CLTC: variants seen among roughly 807,000 people sequenced by gnomAD.
CLTC encodes clathrin heavy chain.
Under a neutral mutation model 195.8 loss-of-function variants are expected in CLTC, and 16 were observed. That is an observed-to-expected ratio of 0.08 (90% CI 0.06 to 0.12). The LOEUF (loss-of-function observed/expected upper bound fraction) is 0.12. Ranked by LOEUF, CLTC falls within the 10% of genes least tolerant of loss-of-function variation. The probability of loss-of-function intolerance (pLI) is 1.00; values close to 1 mark genes in which losing one functional copy is unlikely to be tolerated. For synonymous variants in CLTC, 667 were observed against 689.4 expected, an observed-to-expected ratio of 0.97 and a Z score of 0.51; for missense variants, 796 against 2,027.0, an observed-to-expected ratio of 0.39 and a Z score of 11.66.
chr17:59,667,990 C>A (rs1410760195), intron 13 of CLTC, among the ~76,000 whole-genome samples: 1 of 152,178 alleles, frequency 6.6e-6, no homozygotes, highest in Non-Finnish European at 1.5e-5. Flanking sequence ...CTGTTTAGTA[C>A]AGTCACTAGC....
At chr17:59,670,290 TTTTTC>T (rs1555605842) in intron 14 of CLTC, among the ~76,000 whole-genome samples, 1 of 126,932 alleles carries the variant, frequency 7.9e-6, no homozygotes, top group Admixed American at 9.0e-5. Context: ...TTTTTTTTTG[TTTTTC>T]TTTTTAAGCT....
intron 2 of CLTC, among the ~76,000 whole-genome samples, chr17:59,645,210 C>CT (rs573633896): frequency 4.4e-3 from 648 of 146,918 alleles, no homozygotes; most frequent in African/African-American, 9.3e-3. Flanking sequence ...TGATTCTGTG[C>CT]TTTTTTTTTT....
In CLTC at chr17:59,663,922, C is replaced by G; in HGVS notation, c.1449C>G (p.Asn483Lys). 6.2e-7 allele frequency: 1 copy of G among 1,613,704 alleles called. No homozygotes were observed. Among genetic ancestry groups the G allele is most frequent in the Non-Finnish European group, 8.5e-7 (1 of 1,179,718 alleles). Residue 483 changes from asparagine (N) to lysine (K), a missense_variant, in exon 9 of 32, where the codon AAC (asparagine) becomes AAG (lysine). By Grantham distance (94) the Asn-to-Lys change is moderately conservative (BLOSUM62 0). Coordinates refer to ENST00000269122, the MANE Select transcript of CLTC (RefSeq NM_004859.4). ...TLALSVYLRA[N>K]VPNKVIQCFA... ...CACTTAGTGTGTACCTAAGGGCTAA[C>G]GTCCCAAATAAAGTCATTCAGTGCT...
chr17:59,694,550 G>T lies in CLTC; in HGVS notation c.*698G>T, dbSNP rs2033379882. On this transcript the variant is annotated 3_prime_UTR_variant, in exon 32 of 32. Transcript: ENST00000269122. ...TTGTGCTGTATCCTGTGCTTTTTCT[G>T]TGGGACCATTCCATTCAGGAGCAAA... 1 of 227,754 alleles carries T rather than the reference G, an allele frequency of 4.4e-6. No homozygotes were observed. Among genetic ancestry groups the T allele is most frequent in the Non-Finnish European group, 8.7e-6 (1 of 114,412 alleles). 14.1% of individuals were successfully genotyped at this position (227,754 alleles called of 1,614,324 possible). A position where few individuals can be genotyped will look rare whatever the true frequency, so the allele number is the denominator to read the frequency against.
In CLTC at chr17:59,674,827, G is replaced by A; in HGVS notation, c.2545G>A (p.Val849Ile). ...QFSTDELVAE[V>I]EKRNRLKLLL... ...CTCTACTGATGAGCTTGTTGCTGAG[G>A]TTGAAAAAAGAAACAGGTGTAGTAC... Residue 849 changes from valine (V) to isoleucine (I), a missense_variant, in exon 16 of 32, where the codon GTT becomes ATT. Physicochemically the swap from Val to Ile is conservative, Grantham distance 29. Transcript: ENST00000269122. 1 of 1,612,654 alleles carries A rather than the reference G, an allele frequency of 6.2e-7. No homozygotes were observed.
rs1320918154 is a variant in CLTC, at chr17:59,685,836, A to T, written c.4827+28A>T. 6.7e-7 allele frequency: 1 copy of T among 1,502,872 alleles called. No individual in the cohort carries two copies. The highest frequency in any genetic ancestry group is 2.1e-5 in the Admixed American group (1 of 48,616). The allele number at this position is 1,502,872 out of a possible 1,614,324, so 93.1% of individuals were successfully genotyped here. ...AATGACTCTTCTAAGTGTATTCAGA[A>T]CTAGTTTCCTTGCATGTAAAATTCT... On this transcript the variant is annotated intron_variant, in intron 30 of 31. Transcript: ENST00000269122. This position sits in a 1 kb window ranked among gnomAD's most constrained non-coding sequence, Gnocchi z 5.0.
In CLTC at chr17:59,648,183, A is replaced by T. The variant is rs2032243347; in HGVS notation, c.520-57A>T. The T allele has an allele frequency of 2.7e-6, 4 of 1,460,598 alleles. No homozygotes were observed. Among genetic ancestry groups the T allele is most frequent in the East Asian group, 4.6e-5 (2 of 43,624 alleles). 90.5% of individuals were successfully genotyped at this position (1,460,598 alleles called of 1,614,324 possible). A position where few individuals can be genotyped will look rare whatever the true frequency, so the allele number is the denominator to read the frequency against. On this transcript the variant is annotated intron_variant, in intron 3 of 31. Transcript: ENST00000269122. This position sits in a 1 kb window ranked among gnomAD's most constrained non-coding sequence, Gnocchi z 4.5. ...TTCTAATTATTTCATTACTTGATGAATCTGAGAGTTTTTGATTTATGGGTC... is the reference window on the plus strand; with the variant it reads ...TTCTAATTATTTCATTACTTGATGATTCTGAGAGTTTTTGATTTATGGGTC...
intron 1 of CLTC, among the ~76,000 whole-genome samples, chr17:59,621,459 C>T (rs8068646): frequency 0.036 from 5,414 of 152,220 alleles, 326 homozygotes; most frequent in African/African-American, 0.12. Flanking sequence ...TACATTTCCC[C>T]ATTGGCATAG....
chr17:59,636,741 T>C (rs1421635672), intron 1 of CLTC, among the ~76,000 whole-genome samples: 2 of 151,998 alleles, frequency 1.3e-5, no homozygotes, highest in Non-Finnish European at 2.9e-5. Context: ...TCAGCTTGCA[T>C]CTTTAGAAAA....
Position 59,666,983 on chromosome 17 carries a change from T to C in CLTC, c.2128+6T>C. On this transcript the variant is annotated splice_donor_region_variant and intron_variant, in intron 13 of 31. Transcript: ENST00000269122. This position sits in a 1 kb window ranked among gnomAD's most constrained non-coding sequence, Gnocchi z 4.9. The stretch of plus-strand genomic sequence containing the variant: ...ATCTTTCAAGAGTTTTGAAGGTAAT[T>C]AGGAGTTTTTGAGTTTTTAAAAAAA... The C allele has an allele frequency of 6.2e-7, 1 of 1,605,704 alleles. No homozygotes were observed. The highest frequency in any genetic ancestry group is 1.3e-5 in the African/African-American group (1 of 74,660).
chr17:59,658,045 G>GA (rs879853459), intron 6 of CLTC, among the ~76,000 whole-genome samples: 2 of 151,534 alleles, frequency 1.3e-5, no homozygotes, highest in African/African-American at 2.4e-5. Flanking sequence ...CTAAAAATAC[G>GA]AAAAAAAATT....
intron 28 of CLTC, among the ~76,000 whole-genome samples, chr17:59,684,676 C>T (rs981021439): frequency 5.3e-5 from 8 of 152,018 alleles, no homozygotes; most frequent in South Asian, 4.2e-4. Flanking sequence ...TGTGGTGGCA[C>T]GTGCCTGTAG....
At chr17:59,663,632 G>A (rs1033250383) in intron 8 of CLTC, among the ~76,000 whole-genome samples, 2 of 152,164 alleles carry the variant, frequency 1.3e-5, no homozygotes, top group African/African-American at 2.4e-5. Context: ...GCTTTTTATC[G>A]TTAAACAGGA....
chr17:59,647,760 C>G (rs917072063), intron 3 of CLTC, 94 bp downstream of exon 3: 2 of 1,106,804 alleles, frequency 1.8e-6, no homozygotes, highest in Non-Finnish European at 2.6e-6. Context: ...TTTCTATACT[C>G]AATCCTGTTG....
chr17:59,683,845 T>C lies in CLTC; in HGVS notation c.4324-30T>C, dbSNP rs534266571. 69 of 1,610,504 alleles carry C rather than the reference T, an allele frequency of 4.3e-5. 2 individuals carry two copies. In the South Asian group the frequency reaches 6.8e-4, roughly 16 times the overall value. ...TGTCCCTGGGACTTCAATAATGTGC[T>C]ATATTTGTAACAAACTCTTTATTTT... On this transcript the variant is annotated intron_variant, in intron 27 of 31. Transcript: ENST00000269122. This position sits in a 1 kb window ranked among gnomAD's most constrained non-coding sequence, Gnocchi z 6.1.
intron 1 of CLTC, among the ~76,000 whole-genome samples, chr17:59,633,578 G>A (rs1249161112): frequency 2.6e-5 from 4 of 152,202 alleles, no homozygotes; most frequent in Non-Finnish European, 4.4e-5. Context: ...GGTAGACTGA[G>A]TATGCCTTAA....
At chr17:59,644,831 G>A (rs1210863698) in intron 2 of CLTC, among the ~76,000 whole-genome samples, 3 of 152,122 alleles carry the variant, frequency 2.0e-5, no homozygotes, top group African/African-American at 4.8e-5. Context: ...GATTACAGGC[G>A]TGAGCCACCA....
At chr17:59,649,313 C>T (rs1016538183) in intron 4 of CLTC, among the ~76,000 whole-genome samples, 4 of 152,314 alleles carry the variant, frequency 2.6e-5, no homozygotes, top group African/African-American at 7.2e-5. Flanking sequence ...GATTGCATTT[C>T]TGGATGCTTG....
At chr17:59,670,701 T>C (rs900208814) in intron 14 of CLTC, among the ~76,000 whole-genome samples, 1 of 152,224 alleles carries the variant, frequency 6.6e-6, no homozygotes, top group African/African-American at 2.4e-5. Flanking sequence ...AATTAGCTAT[T>C]ATTTAATTAT....
Sources: gnomAD v4.1 joint callset for allele counts (sites outside exome capture counted in the v4.1 genomes callset) on GRCh38, gnomAD v4.1.1 for gene constraint, Gnocchi (gnomAD v3.1) non-coding constraint, MANE v1.5 for transcripts, NCBI Gene and HGNC (gene_info 2026-07-23, HGNC 2026-07-21) for gene names.